Variants in SLC2A13 observed in about 807,000 individuals in gnomAD.
The protein encoded by SLC2A13 is solute carrier family 2 member 13, also known as proton myo-inositol cotransporter.
SLC2A13 carries 32 observed loss-of-function variants against 64.4 expected under a neutral mutation model. The ratio of observed to expected loss-of-function variants is 0.50; its 90% CI spans 0.37 to 0.67. The LOEUF is 0.67. SLC2A13 is among the 30% of genes least tolerant of loss of function. SLC2A13 has a pLI of 0.00. For missense variants in SLC2A13, 743 were observed against 829.2 expected, an observed-to-expected ratio of 0.90 and a Z score of 1.28; for synonymous variants, 338 against 327.1, an observed-to-expected ratio of 1.03 and a Z score of -0.36.
At position 39,870,421 on chromosome 12, in the gene SLC2A13, T is replaced by C. The variant is rs184972155; in HGVS notation, c.1198+1377A>G. Among the ~76,000 whole-genome samples, 8 of 152,322 alleles carry C rather than the reference T, an allele frequency of 5.3e-5. No homozygotes were observed. In the East Asian group the frequency reaches 1.3e-3, roughly 26 times the overall value. On this transcript the variant is annotated intron_variant, in intron 5 of 9. Transcript: ENST00000280871. ...GTTGAGAGTTTACTATCCTAATGAT[T>C]CAGTCCATTTCATTGCTGGATAGCT...
At chr12:40,065,992 C>T (rs1251191652) in intron 1 of SLC2A13, among the ~76,000 whole-genome samples, 2 of 152,136 alleles carry the variant, frequency 1.3e-5, no homozygotes, top group Non-Finnish European at 2.9e-5. Flanking sequence ...GCTAAACAGT[C>T]CCTCTAAAAG....
chr12:40,022,586 T>C (rs1163297710), intron 3 of SLC2A13, among the ~76,000 whole-genome samples: 1 of 152,170 alleles, frequency 6.6e-6, no homozygotes, highest in Admixed American at 6.5e-5. Context: ...CCTGTAATCT[T>C]AGCACTTTGG....
At chr12:40,050,799 C>T (rs1948242129) in intron 1 of SLC2A13, among the ~76,000 whole-genome samples, 1 of 152,124 alleles carries the variant, frequency 6.6e-6, no homozygotes, top group African/African-American at 2.4e-5. Context: ...GTTTCAATTC[C>T]AGCCTTGCCA....
At chr12:40,042,656 C>T (rs1157273620) in intron 2 of SLC2A13, among the ~76,000 whole-genome samples, 1 of 152,058 alleles carries the variant, frequency 6.6e-6, no homozygotes, top group Non-Finnish European at 1.5e-5. Flanking sequence ...TGAATTTCAG[C>T]TCAGTTCAAT....
chr12:39,995,766 C>A (rs1565581681), intron 3 of SLC2A13, among the ~76,000 whole-genome samples: 1 of 152,104 alleles, frequency 6.6e-6, no homozygotes, highest in Non-Finnish European at 1.5e-5. Context: ...CAGGTATTTT[C>A]CATGCTGTTC....
At chr12:40,099,846 TA>T (rs1360251309) in intron 1 of SLC2A13, among the ~76,000 whole-genome samples, 2 of 151,786 alleles carry the variant, frequency 1.3e-5, no homozygotes, top group African/African-American at 4.8e-5. Flanking sequence ...ATAAATCCAA[TA>T]CAGAATTCCT....
chr12:39,979,823 T>C (rs1418242212), intron 3 of SLC2A13, among the ~76,000 whole-genome samples: 2 of 119,494 alleles, frequency 1.7e-5, no homozygotes, highest in African/African-American at 6.6e-5. Flanking sequence ...ATACAGAGAA[T>C]GCCACAAAGA....
chr12:39,955,619 A>G (rs1484843046), intron 3 of SLC2A13, among the ~76,000 whole-genome samples: 5 of 152,146 alleles, frequency 3.3e-5, no homozygotes, highest in Non-Finnish European at 5.9e-5. Flanking sequence ...TGAAACCTGT[A>G]TTATCTTAGA....
At chr12:39,825,176 G>A (rs183074437) in intron 7 of SLC2A13, among the ~76,000 whole-genome samples, 2 of 152,066 alleles carry the variant, frequency 1.3e-5, no homozygotes, top group Non-Finnish European at 2.9e-5. Context: ...CTGAATCAGC[G>A]CATTAAGAAA....
intron 6 of SLC2A13, among the ~76,000 whole-genome samples, chr12:39,852,401 C>T (rs970397438): frequency 6.6e-6 from 1 of 152,118 alleles, no homozygotes; most frequent in African/African-American, 2.4e-5. Context: ...AAAGTGCTTA[C>T]AAAATTCCTG....
intron 1 of SLC2A13, among the ~76,000 whole-genome samples, chr12:40,048,610 C>G (rs945698197): frequency 3.9e-5 from 6 of 152,002 alleles, no homozygotes; most frequent in Non-Finnish European, 7.4e-5. Flanking sequence ...AAAAAATTAT[C>G]TTAGGATACA....
intron 4 of SLC2A13, among the ~76,000 whole-genome samples, chr12:39,874,384 C>T (rs980862683): frequency 5.3e-5 from 8 of 151,998 alleles, no homozygotes; most frequent in Non-Finnish European, 7.4e-5. Context: ...GAGGCCAAGG[C>T]GGGTGGATCA....
chr12:39,992,660 G>A (rs1947155810), intron 3 of SLC2A13, among the ~76,000 whole-genome samples: 1 of 151,920 alleles, frequency 6.6e-6, no homozygotes, highest in South Asian at 2.1e-4. Context: ...AGCTCAACAA[G>A]CTTGGAGTAC....
At chr12:39,813,313 A>G (rs1459709423) in intron 7 of SLC2A13, among the ~76,000 whole-genome samples, 1 of 152,022 alleles carries the variant, frequency 6.6e-6, no homozygotes, top group Non-Finnish European at 1.5e-5. Context: ...TTATTTTATT[A>G]CAAATATTTT....
At chr12:39,941,738 T>C (rs1167914750) in intron 4 of SLC2A13, among the ~76,000 whole-genome samples, 5 of 152,124 alleles carry the variant, frequency 3.3e-5, no homozygotes, top group Non-Finnish European at 7.4e-5. Flanking sequence ...TTTATCTTTG[T>C]TTTTATTGCA....
intron 1 of SLC2A13, among the ~76,000 whole-genome samples, chr12:40,071,552 C>A (rs951202815): frequency 6.6e-6 from 1 of 152,120 alleles, no homozygotes; most frequent in Non-Finnish European, 1.5e-5. Flanking sequence ...TCTGCCTCTA[C>A]CTTCTAAAGG....
In SLC2A13 at chr12:40,105,485, C is replaced by A; in HGVS notation, c.324G>T (p.Leu108=). Residue 108 remains leucine, a synonymous_variant, in exon 1 of 10, where the codon CTG becomes CTT. Coordinates refer to ENST00000280871, the MANE Select transcript of SLC2A13 (RefSeq NM_052885.4). The surrounding 1 kb of genome is among the most constrained non-coding windows in gnomAD (Gnocchi z 4.2). ...DTGVVSGAML[L]LKRQLSLDAL... is the part of the protein sequence containing the mutation. ...CGTCCAGACTGAGCTGCCGCTTGAG[C>A]AGCAGCATGGCCCCTGACACCACCC... is the stretch of plus-strand genomic sequence containing the variant. 1.3e-6 allele frequency: 2 copies of A among 1,573,236 alleles called. No individual in the cohort carries two copies. Among genetic ancestry groups the A allele is most frequent in the Admixed American group, 1.8e-5 (1 of 54,824 alleles).
intron 4 of SLC2A13, among the ~76,000 whole-genome samples, chr12:39,902,926 T>A (rs1338737538): frequency 6.6e-6 from 1 of 152,156 alleles, no homozygotes; most frequent in African/African-American, 2.4e-5. Context: ...TTATTCCCTG[T>A]TGAGTTGCAC....
At chr12:39,884,627 G>T (rs1832191859) in intron 4 of SLC2A13, among the ~76,000 whole-genome samples, 1 of 152,120 alleles carries the variant, frequency 6.6e-6, no homozygotes, top group Non-Finnish European at 1.5e-5. Context: ...GTTCAGGGAG[G>T]GTGGGAGCCC....
Sources: gnomAD v4.1 joint callset for allele counts (sites outside exome capture counted in the v4.1 genomes callset) on GRCh38, gnomAD v4.1.1 for gene constraint, Gnocchi (gnomAD v3.1) non-coding constraint, MANE v1.5 for transcripts, NCBI Gene and HGNC (gene_info 2026-07-23, HGNC 2026-07-21) for gene names.